The following DMD variants were observed in gnomAD, a reference collection of about 807,000 sequenced individuals.
DMD encodes the protein dystrophin.
DMD carries 63 observed loss-of-function variants against 330.1 expected under a neutral mutation model. That is an observed-to-expected ratio of 0.19 (90% CI 0.16 to 0.24). The LOEUF is 0.24. Among genes scored for constraint, DMD ranks in the 10% least tolerant of loss-of-function variants. DMD has a pLI of 1.00. For missense variants in DMD, 3,344 were observed against 2,684.1 expected, an observed-to-expected ratio of 1.25 and a Z score of -5.43; for synonymous variants, 1,223 against 959.8, an observed-to-expected ratio of 1.27 and a Z score of -5.07.
intron 44 of DMD, among the ~76,000 whole-genome samples, chrX:32,112,528 T>C (rs148002219): frequency 1.8e-5 from 2 of 111,415 alleles, no homozygotes; most frequent in African/African-American, 3.3e-5. Context: ...TGGAGACGAA[T>C]AGATTATAAT....
intron 54 of DMD, among the ~76,000 whole-genome samples, chrX:31,653,130 G>A (rs980226836): frequency 3.6e-4 from 40 of 111,276 alleles, no homozygotes; most frequent in African/African-American, 1.2e-3. Flanking sequence ...CTCTTTTCTT[G>A]TTGCAATGAA....
At chrX:32,750,556 A>C (rs897679300) in intron 7 of DMD, among the ~76,000 whole-genome samples, 6 of 111,142 alleles carry the variant, frequency 5.4e-5, no homozygotes, top group Non-Finnish European at 1.1e-4. Context: ...AGAGAAGTGC[A>C]TATGACAGTG....
intron 60 of DMD, among the ~76,000 whole-genome samples, chrX:31,443,303 A>G (rs2065065831): frequency 9.0e-6 from 1 of 111,362 alleles, no homozygotes; most frequent in Non-Finnish European, 1.9e-5. Context: ...ATTCGATGTT[A>G]CAGTAACCAT....
chrX:31,644,482 A>G (rs1339068894), intron 54 of DMD, among the ~76,000 whole-genome samples: 1 of 111,576 alleles, frequency 9.0e-6, no homozygotes, highest in African/African-American at 3.3e-5. Context: ...TGTCATAAAT[A>G]TTTTGATATT....
chrX:31,170,089 A>G (rs1316454609), intron 73 of DMD, among the ~76,000 whole-genome samples: 1 of 111,683 alleles, frequency 9.0e-6, no homozygotes, highest in Non-Finnish European at 1.9e-5. Flanking sequence ...GTATTGCTTC[A>G]GTAAGTCAGT....
chrX:33,041,503 A>T, intron 1 of DMD: 1 of 1,207,367 alleles, frequency 8.3e-7, no homozygotes, highest in Non-Finnish European at 1.1e-6. Context: ...AGAAGAAAAG[A>T]TTGAAAAAAT....
intron 43 of DMD, among the ~76,000 whole-genome samples, chrX:32,277,456 C>T (rs1381982237): frequency 9.0e-6 from 1 of 111,611 alleles, no homozygotes; most frequent in Non-Finnish European, 1.9e-5. Flanking sequence ...ACTTAATCTG[C>T]ACTATAGAAT....
intron 1 of DMD, among the ~76,000 whole-genome samples, chrX:33,236,640 C>T (rs896793709): frequency 2.7e-5 from 3 of 110,956 alleles, no homozygotes; most frequent in East Asian, 2.9e-4. Context: ...AGGTCCTTTA[C>T]AGAACCACCT....
chrX:31,361,367 A>G (rs1213715694), intron 60 of DMD, among the ~76,000 whole-genome samples: 2 of 111,681 alleles, frequency 1.8e-5, no homozygotes, highest in Non-Finnish European at 3.8e-5. Context: ...CGTGTGGTGG[A>G]TGGCAAAGAT....
chrX:31,719,094 C>T lies in DMD; in HGVS notation c.7660+10537G>A, dbSNP rs1393444846. On this transcript the variant is annotated intron_variant, in intron 52 of 78. Transcript: ENST00000357033. ...AGGTAGAACCTGTCAAACGGATAAA[C>T]CAACATCAGCAACCATTTGTTTCCT... 7.2e-5 allele frequency among the ~76,000 whole-genome samples: 8 copies of T among 111,795 alleles called. No individual in the cohort carries two copies. In the East Asian group the frequency reaches 2.3e-3, roughly 32 times the overall value.
rs772811723 is a variant in DMD at position 32,779,587 on chromosome X, G to A, written c.649+29906C>T. ...TTCCCACCTATGAGTGAGAACATGC[G>A]GTGTTTGGTTTTTTATCCTTGCGAT... On this transcript the variant is annotated intron_variant, in intron 7 of 78. Coordinates refer to ENST00000357033, the MANE Select transcript of DMD (RefSeq NM_004006.3). Among the ~76,000 whole-genome samples the A allele has an allele frequency of 1.5e-4, 16 of 107,678 alleles. No individual in the cohort carries two copies. In the East Asian group the frequency reaches 3.5e-3, roughly 23 times the overall value. 93.5% of individuals were successfully genotyped at this position (107,678 alleles called of 115,157 possible).
At chrX:31,169,977 A>G (rs758459455) in intron 73 of DMD, among the ~76,000 whole-genome samples, 100 of 112,469 alleles carry the variant, frequency 8.9e-4, no homozygotes, top group Non-Finnish European at 1.5e-3. Context: ...TAATCTGTTC[A>G]CTAACCCACG....
intron 1 of DMD, among the ~76,000 whole-genome samples, chrX:33,074,322 G>C (rs1359623394): frequency 9.0e-6 from 1 of 111,534 alleles, no homozygotes; most frequent in Non-Finnish European, 1.9e-5. Flanking sequence ...TGAATCTGCT[G>C]TAATTCTGAG....
At chrX:31,554,988 T>C (rs906795530) in intron 55 of DMD, among the ~76,000 whole-genome samples, 9 of 111,734 alleles carry the variant, frequency 8.1e-5, no homozygotes, top group African/African-American at 2.6e-4. Context: ...GAGAGACAGA[T>C]TGTTCCTAGG....
chrX:33,164,595 T>G (rs2048962579), intron 1 of DMD, among the ~76,000 whole-genome samples: 1 of 112,365 alleles, frequency 8.9e-6, no homozygotes, highest in African/African-American at 3.2e-5. Context: ...TTAGGAGTCA[T>G]TATTACTACA....
At chrX:33,072,073 C>G in intron 1 of DMD, among the ~76,000 whole-genome samples, 1 of 111,938 alleles carries the variant, frequency 8.9e-6, no homozygotes, top group Non-Finnish European at 1.9e-5. Context: ...GTATCAAAAT[C>G]TACTAAATGG....
intron 62 of DMD, among the ~76,000 whole-genome samples, chrX:31,307,477 C>T (rs1278009913): frequency 9.0e-6 from 1 of 111,212 alleles, no homozygotes; most frequent in Non-Finnish European, 1.9e-5. Flanking sequence ...ATAGTGCTTT[C>T]AGTAAAAAGA....
In DMD at chrX:32,066,206, G is replaced by A. The variant is rs746970420; in HGVS notation, c.6439-97692C>T. Among the ~76,000 whole-genome samples the A allele has an allele frequency of 2.0e-4, 22 of 111,199 alleles. No homozygotes were observed. The East Asian group carries it at 5.4e-3, about 27-fold the overall frequency. On this transcript the variant is annotated intron_variant, in intron 44 of 78. Coordinates refer to ENST00000357033, the MANE Select transcript of DMD (RefSeq NM_004006.3). ...CTGCACTAAATTTCCCCCATCCATCGATCTTTTCCAACTCAGCATTTCAAC... is the reference window on the plus strand; with the variant it reads ...CTGCACTAAATTTCCCCCATCCATCAATCTTTTCCAACTCAGCATTTCAAC...
chrX:33,187,139 GT>G (rs1488028913), intron 1 of DMD, among the ~76,000 whole-genome samples: 1 of 111,919 alleles, frequency 8.9e-6, no homozygotes, highest in Admixed American at 9.5e-5. Flanking sequence ...ACATTAGAAT[GT>G]TTTTATGATT....
Sources: gnomAD v4.1 joint callset for allele counts (sites outside exome capture counted in the v4.1 genomes callset) on GRCh38, gnomAD v4.1.1 for gene constraint, MANE v1.5 for transcripts, NCBI Gene and HGNC (gene_info 2026-07-23, HGNC 2026-07-21) for gene names.